The following ZNF385D variants were observed in gnomAD, a reference collection of about 807,000 sequenced individuals.
ZNF385D encodes zinc finger protein 385D.
ZNF385D carries 15 observed loss-of-function variants against 35.8 expected under a neutral mutation model. The ratio of observed to expected loss-of-function variants is 0.42; its 90% confidence interval spans 0.28 to 0.64. The LOEUF is 0.64. Among genes scored for constraint, ZNF385D ranks in the 30% least tolerant of loss-of-function variants. ZNF385D has a pLI of 0.23. For missense variants in ZNF385D, 474 were observed against 494.6 expected (o/e 0.96, Z 0.39); for synonymous variants, 212 against 186.8 (o/e 1.13, Z -1.10).
At chr3:21,794,522 C>T (rs1163894252) in intron 3 of ZNF385D, among the ~76,000 whole-genome samples, 2 of 152,052 alleles carry the variant, frequency 1.3e-5, no homozygotes, top group African/African-American at 4.8e-5. Flanking sequence ...AGAATGGATG[C>T]CCAAGATCCA....
chr3:21,950,513 C>G (rs763385101), intron 3 of ZNF385D, among the ~76,000 whole-genome samples: 10 of 151,714 alleles, frequency 6.6e-5, no homozygotes, highest in Non-Finnish European at 1.2e-4. Flanking sequence ...CCTGTTCACT[C>G]TGATGATAGT....
intron 3 of ZNF385D, among the ~76,000 whole-genome samples, chr3:21,808,924 T>C (rs890957986): frequency 3.9e-5 from 6 of 152,148 alleles, no homozygotes; most frequent in African/African-American, 9.7e-5. Flanking sequence ...GAAAACTAAA[T>C]TGACATTTGA....
rs183142364 is a variant in ZNF385D at position 21,616,791 on chromosome 3, T to G, written c.165+48095A>C. On this transcript the variant is annotated intron_variant, in intron 2 of 7. Coordinates refer to ENST00000281523, the MANE Select transcript of ZNF385D (RefSeq NM_024697.3). ...AAATACTTCTCATGATTTTTGTGTGTTTTTGATAAATAAGATGAAAATTAC... is the reference window on the plus strand; with the variant it reads ...AAATACTTCTCATGATTTTTGTGTGGTTTTGATAAATAAGATGAAAATTAC... 2.0e-4 allele frequency among the ~76,000 whole-genome samples: 31 copies of G among 152,326 alleles called. No individual in the cohort carries two copies. In the East Asian group the frequency reaches 6.0e-3, roughly 29 times the overall value.
chr3:21,791,663 A>G (rs2071930863), intron 3 of ZNF385D, among the ~76,000 whole-genome samples: 1 of 152,246 alleles, frequency 6.6e-6, no homozygotes, highest in African/African-American at 2.4e-5. Context: ...AATCAAAATG[A>G]AAACTAATAC....
At chr3:21,607,714 G>A (rs1236993793) in intron 2 of ZNF385D, among the ~76,000 whole-genome samples, 1 of 152,152 alleles carries the variant, frequency 6.6e-6, no homozygotes, top group East Asian at 1.9e-4. Context: ...AGCTTAGGCT[G>A]CAGCCCAGCA....
chr3:22,259,725 C>G (rs777055434), intron 2 of ZNF385D, among the ~76,000 whole-genome samples: 4 of 151,896 alleles, frequency 2.6e-5, no homozygotes, highest in Non-Finnish European at 5.9e-5. Flanking sequence ...TAGTGAAGAA[C>G]ACACTGGTCC....
chr3:21,470,009 T>C (rs1446442250), intron 4 of ZNF385D, among the ~76,000 whole-genome samples: 1 of 152,186 alleles, frequency 6.6e-6, no homozygotes, highest in East Asian at 1.9e-4. Flanking sequence ...CCAGATAAAA[T>C]GGAAGTCGTA....
At chr3:21,796,545 CAA>C (rs199588631) in intron 3 of ZNF385D, among the ~76,000 whole-genome samples, 1 of 151,248 alleles carries the variant, frequency 6.6e-6, no homozygotes, top group Non-Finnish European at 1.5e-5. Context: ...TATCCACATG[CAA>C]AAAAAATTTT....
chr3:21,922,299 T>A (rs1055190825), intron 3 of ZNF385D, among the ~76,000 whole-genome samples: 1 of 151,908 alleles, frequency 6.6e-6, no homozygotes, highest in African/African-American at 2.4e-5. Context: ...ATAAAAATCA[T>A]GTAGAACTAA....
intron 4 of ZNF385D, among the ~76,000 whole-genome samples, chr3:21,472,647 G>C (rs1703977868): frequency 6.6e-6 from 1 of 151,936 alleles, no homozygotes; most frequent in African/African-American, 2.4e-5. Context: ...TATGGGTATA[G>C]CCTTGTAACA....
rs1048169019 is a variant in ZNF385D at position 21,415,466 on chromosome 3, A to T, written c.*5748T>A. ...TGATTAATGCCCCAAAATGATTAAGACTCCCAAGTGTGACATTGGAGTTCC... is the reference window on the plus strand; with the variant it reads ...TGATTAATGCCCCAAAATGATTAAGTCTCCCAAGTGTGACATTGGAGTTCC... On this transcript the variant is annotated 3_prime_UTR_variant, in exon 8 of 8. Transcript: ENST00000281523. The T allele has an allele frequency of 1.3e-5, 2 of 151,924 alleles. No homozygotes were observed. Among genetic ancestry groups the T allele is most frequent in the African/African-American group, 2.4e-5 (1 of 41,364 alleles). 9.4% of individuals were successfully genotyped at this position (151,924 alleles called of 1,614,324 possible). A position where few individuals can be genotyped will look rare whatever the true frequency, so the allele number is the denominator to read the frequency against.
chr3:22,287,107 C>A (rs1455970807), intron 2 of ZNF385D, among the ~76,000 whole-genome samples: 1 of 151,960 alleles, frequency 6.6e-6, no homozygotes, highest in Non-Finnish European at 1.5e-5. Flanking sequence ...GGTGAAGTAA[C>A]CACTTTATTA....
chr3:22,257,301 C>G (rs1413077613), intron 2 of ZNF385D, among the ~76,000 whole-genome samples: 2 of 151,920 alleles, frequency 1.3e-5, no homozygotes, highest in Admixed American at 1.3e-4. Context: ...GAACTTGTTT[C>G]ATTCCTTTTT....
At chr3:21,868,138 G>T (rs1697473643) in intron 3 of ZNF385D, among the ~76,000 whole-genome samples, 1 of 152,046 alleles carries the variant, frequency 6.6e-6, no homozygotes, top group Non-Finnish European at 1.5e-5. Flanking sequence ...GCAGCAGTTG[G>T]CAAACATTTT....
intron 2 of ZNF385D, among the ~76,000 whole-genome samples, chr3:21,608,716 T>A (rs1454005059): frequency 6.6e-6 from 1 of 152,174 alleles, no homozygotes; most frequent in Non-Finnish European, 1.5e-5. Flanking sequence ...TGTTTTACCC[T>A]CTAGATAAAG....
At chr3:22,109,055 G>T (rs545797532) in intron 3 of ZNF385D, among the ~76,000 whole-genome samples, 1 of 152,156 alleles carries the variant, frequency 6.6e-6, no homozygotes, top group South Asian at 2.1e-4. Context: ...TTGTACAGAC[G>T]AACGACGCAA....
chr3:22,036,664 C>A (rs544563864), intron 3 of ZNF385D, among the ~76,000 whole-genome samples: 2 of 150,808 alleles, frequency 1.3e-5, no homozygotes, highest in Non-Finnish European at 2.9e-5. Context: ...ACCATAAAAC[C>A]CTTCTTTTAG....
chr3:22,140,176 A>G (rs1704416099), intron 3 of ZNF385D, among the ~76,000 whole-genome samples: 1 of 152,202 alleles, frequency 6.6e-6, no homozygotes, highest in Non-Finnish European at 1.5e-5. Flanking sequence ...TAATATTCAA[A>G]AGTCTTTCAA....
chr3:22,256,899 C>A (rs866522055), intron 2 of ZNF385D, among the ~76,000 whole-genome samples: 1 of 151,722 alleles, frequency 6.6e-6, no homozygotes, highest in South Asian at 2.1e-4. Flanking sequence ...CATTTTGTAA[C>A]CCTGTAAAGT....
Sources: allele counts gnomAD v4.1 joint callset (sites outside exome capture counted in the v4.1 genomes callset), GRCh38; gene constraint gnomAD v4.1.1; transcripts MANE v1.5; gene names NCBI Gene and HGNC (gene_info 2026-07-23, HGNC 2026-07-21).